UBE2H: variants seen among roughly 807,000 people sequenced by gnomAD.
UBE2H encodes the protein ubiquitin-conjugating enzyme E2 H.
In UBE2H, 3 loss-of-function variants were observed where a neutral mutation model predicts 29.0. The ratio of observed to expected loss-of-function variants is 0.10; its 90% CI spans 0.05 to 0.27. UBE2H has a LOEUF of 0.27. Ranked by LOEUF, UBE2H falls within the 10% of genes least tolerant of loss-of-function variation. The pLI, the probability that UBE2H is intolerant of heterozygous loss-of-function variation, is 1.00. For missense variants in UBE2H, 68 were observed against 228.2 expected (o/e 0.30, Z 4.52); for synonymous variants, 69 against 82.9 (o/e 0.83, Z 0.91).
At chr7:129,925,768 G>C (rs542168368) in intron 1 of UBE2H, among the ~76,000 whole-genome samples, 2 of 152,278 alleles carry the variant, frequency 1.3e-5, no homozygotes, top group Admixed American at 6.5e-5. Context: ...CCCACTGCAT[G>C]AAACAGTGAC....
At chr7:129,889,267 A>G (rs1473968428) in intron 1 of UBE2H, among the ~76,000 whole-genome samples, 2 of 152,218 alleles carry the variant, frequency 1.3e-5, no homozygotes, top group African/African-American at 4.8e-5. Context: ...GTTAAAGCAA[A>G]AGAGTAGGAA....
chr7:129,859,166 C>G (rs1301186076), intron 3 of UBE2H, among the ~76,000 whole-genome samples: 1 of 152,166 alleles, frequency 6.6e-6, no homozygotes, highest in Non-Finnish European at 1.5e-5. Flanking sequence ...GGGAGAAATG[C>G]AGCTTCTTAT....
chr7:129,882,263 AGAGGCTTTGG>A (rs1337412996), intron 1 of UBE2H, among the ~76,000 whole-genome samples: 14 of 152,248 alleles, frequency 9.2e-5, no homozygotes, highest in African/African-American at 3.4e-4. Context: ...TTTAGGTGAC[AGAGGCTTTGG>A]GAAGCTCTCA....
chr7:129,908,268 C>A (rs1330449106), intron 1 of UBE2H, among the ~76,000 whole-genome samples: 1 of 152,168 alleles, frequency 6.6e-6, no homozygotes. Context: ...TTAAAGCATG[C>A]CCATGAATAA....
rs1306133953 is a variant in UBE2H at position 129,873,137 on chromosome 7, G to T, written c.205+6431C>A. Among the ~76,000 whole-genome samples the T allele has an allele frequency of 2.0e-5, 3 of 150,992 alleles. No homozygotes were observed. The East Asian group carries it at 6.1e-4, about 31-fold the overall frequency. ...GGGTTCACGCCATTCTCCTGCCTTA[G>T]CCTCCCAAGTAGCTGGGAATACAGG... On this transcript the variant is annotated intron_variant, in intron 3 of 6. Transcript: ENST00000355621.
At chr7:129,909,976 A>G (rs563592874) in intron 1 of UBE2H, among the ~76,000 whole-genome samples, 159 of 152,084 alleles carry the variant, frequency 1.0e-3, no homozygotes, top group African/African-American at 3.4e-3. Context: ...ACAAATATAG[A>G]GGGGGGGTGA....
intron 6 of UBE2H, among the ~76,000 whole-genome samples, chr7:129,837,511 G>A (rs1429000446): frequency 7.9e-5 from 12 of 151,656 alleles, no homozygotes; most frequent in Admixed American, 2.6e-4. Context: ...AAAATGAAAA[G>A]GAATAAACAG....
At chr7:129,906,205 T>C (rs1806812369) in intron 1 of UBE2H, among the ~76,000 whole-genome samples, 1 of 145,208 alleles carries the variant, frequency 6.9e-6, no homozygotes. Context: ...GCCATTTTTT[T>C]TTCTTTCTTT....
At chr7:129,900,596 T>C (rs1163436462) in intron 1 of UBE2H, among the ~76,000 whole-genome samples, 1 of 152,200 alleles carries the variant, frequency 6.6e-6, no homozygotes, top group African/African-American at 2.4e-5. Context: ...CAAATCACTA[T>C]TTAGAGATTA....
At chr7:129,946,354 C>T (rs532832237) in intron 1 of UBE2H, among the ~76,000 whole-genome samples, 2 of 152,206 alleles carry the variant, frequency 1.3e-5, no homozygotes, top group African/African-American at 4.8e-5. Flanking sequence ...CCACCGCGCC[C>T]GGCCCCTAGT....
chr7:129,852,727 T>G (rs573976916), intron 5 of UBE2H, among the ~76,000 whole-genome samples: 45 of 152,156 alleles, frequency 3.0e-4, no homozygotes, highest in Middle Eastern at 3.4e-3. Flanking sequence ...CAACTTTTTT[T>G]TTTGTTTGTT....
At chr7:129,841,643 T>A (rs953893094) in intron 5 of UBE2H, among the ~76,000 whole-genome samples, 4 of 152,176 alleles carry the variant, frequency 2.6e-5, no homozygotes, top group African/African-American at 9.6e-5. Context: ...AGCTACCACG[T>A]CCTGTTCTCA....
At chr7:129,895,701 C>G (rs966390396) in intron 1 of UBE2H, among the ~76,000 whole-genome samples, 1 of 151,968 alleles carries the variant, frequency 6.6e-6, no homozygotes, top group African/African-American at 2.4e-5. Flanking sequence ...GAGATCGAGA[C>G]CATCCTGGCT....
intron 3 of UBE2H, among the ~76,000 whole-genome samples, chr7:129,864,729 T>C (rs1236769332): frequency 6.6e-6 from 1 of 151,900 alleles, no homozygotes; most frequent in Non-Finnish European, 1.5e-5. Flanking sequence ...TTTTTTTGTA[T>C]TTTTAGTAGA....
chr7:129,937,827 T>A (rs1807562064), intron 1 of UBE2H, among the ~76,000 whole-genome samples: 1 of 152,342 alleles, frequency 6.6e-6, no homozygotes, highest in Non-Finnish European at 1.5e-5. Flanking sequence ...TTATTCATTA[T>A]CAAGATGGTG....
intron 1 of UBE2H, chr7:129,951,340 T>C (rs916419512): frequency 1.3e-5 from 2 of 151,738 alleles, no homozygotes; most frequent in African/African-American, 4.8e-5. Flanking sequence ...GGGGAAACGG[T>C]GGGGGGATGG....
In UBE2H at chr7:129,891,888, A is replaced by AGT. The variant is rs35586367; in HGVS notation, c.54-10919_54-10918dup. The stretch of plus-strand genomic sequence containing the variant: ...ACTAAAATTCAAAGTTTATAAATGT[A>AGT]GTGTGTGTGTGTGTTAGTTTTTTTC... On this transcript the variant is annotated intron_variant, in intron 1 of 6. Coordinates refer to ENST00000355621, the MANE Select transcript of UBE2H (RefSeq NM_003344.4). 7.7e-3 allele frequency among the ~76,000 whole-genome samples: 1,162 copies of AGT among 150,154 alleles called. 3 individuals are homozygous for AGT. The highest frequency in any genetic ancestry group is 0.011 in the Non-Finnish European group (744 of 67,552).
At chr7:129,908,767 A>C (rs530321886) in intron 1 of UBE2H, among the ~76,000 whole-genome samples, 3 of 152,316 alleles carry the variant, frequency 2.0e-5, no homozygotes, top group Admixed American at 6.5e-5. Context: ...TCCAAGGGCC[A>C]ATCTATGATT....
At chr7:129,838,784 G>A (rs567338056) in intron 6 of UBE2H, among the ~76,000 whole-genome samples, 7 of 152,094 alleles carry the variant, frequency 4.6e-5, no homozygotes, top group South Asian at 2.1e-4. Context: ...GACTACAGGC[G>A]CGTGCCACCA....
Sources: allele counts gnomAD v4.1 joint callset (sites outside exome capture counted in the v4.1 genomes callset), GRCh38; gene constraint gnomAD v4.1.1; transcripts MANE v1.5; gene names NCBI Gene and HGNC (gene_info 2026-07-23, HGNC 2026-07-21).